SGPL1: variants seen among roughly 807,000 people sequenced by gnomAD.
The protein encoded by SGPL1 is SP-lyase 1.
Under a neutral mutation model 68.9 loss-of-function variants are expected in SGPL1, and 37 were observed. That is an observed-to-expected ratio of 0.54 (90% CI 0.41 to 0.71). The LOEUF (loss-of-function observed/expected upper bound fraction) is 0.71, where lower values mean the gene tolerates loss of function less well. SGPL1 is among the 30% of genes least tolerant of loss of function. The pLI, the probability that SGPL1 is intolerant of heterozygous loss-of-function variation, is 0.00. For synonymous variants in SGPL1, 236 were observed against 248.5 expected (o/e 0.95, Z 0.47); for missense variants, 551 against 704.6 (o/e 0.78, Z 2.47).
chr10:70,860,301 A>G (rs1846029857), intron 7 of SGPL1: 1 of 448,678 alleles, frequency 2.2e-6, no homozygotes, highest in Non-Finnish European at 4.5e-6. Context: ...TCAGATACTC[A>G]TCATATTTGC....
In SGPL1 at chr10:70,819,661, C is replaced by T. The variant is rs572017523; in HGVS notation, c.27+2781C>T. On this transcript the variant is annotated intron_variant, in intron 2 of 14. Transcript: ENST00000373202. ...TTTTTTTTTTTTTGAGACAAGGTCT[C>T]ACTCTGATGCCCAGGCTGGAGTGCA... 1.4e-4 allele frequency among the ~76,000 whole-genome samples: 19 copies of T among 139,912 alleles called. No homozygotes were observed. In the South Asian group the frequency reaches 3.2e-3, roughly 24 times the overall value. 91.8% of individuals were successfully genotyped at this position (139,912 alleles called of 152,430 possible). A position where few individuals can be genotyped will look rare whatever the true frequency, so the allele number is the denominator to read the frequency against.
intron 7 of SGPL1, among the ~76,000 whole-genome samples, chr10:70,862,030 G>C (rs960714090): frequency 6.6e-6 from 1 of 150,458 alleles, no homozygotes; most frequent in Non-Finnish European, 1.5e-5. Flanking sequence ...GAGTGCAGGC[G>C]CACAGCGCAG....
At chr10:70,830,401 A>G (rs1375095847) in intron 2 of SGPL1, among the ~76,000 whole-genome samples, 1 of 152,178 alleles carries the variant, frequency 6.6e-6, no homozygotes. Context: ...TATAAATACA[A>G]TCATACAGTA....
At chr10:70,833,613 A>G (rs569020362) in intron 2 of SGPL1, among the ~76,000 whole-genome samples, 3 of 152,324 alleles carry the variant, frequency 2.0e-5, no homozygotes, top group South Asian at 4.1e-4. Flanking sequence ...AGACTGTAAT[A>G]TGAAAGAAAA....
intron 2 of SGPL1, among the ~76,000 whole-genome samples, chr10:70,828,390 T>C (rs887814504): frequency 6.6e-6 from 1 of 152,210 alleles, no homozygotes; most frequent in South Asian, 2.1e-4. Flanking sequence ...GGTGCGATCA[T>C]GGCTTCCTGC....
intron 6 of SGPL1, among the ~76,000 whole-genome samples, chr10:70,858,119 A>G (rs1318923467): frequency 6.6e-6 from 1 of 152,120 alleles, no homozygotes; most frequent in Admixed American, 6.5e-5. Context: ...TCCATTTCTA[A>G]TCAAATTTAT....
rs545454092 is a variant in SGPL1 at position 70,829,801 on chromosome 10, A to C, written c.27+12921A>C. 4.6e-5 allele frequency among the ~76,000 whole-genome samples: 7 copies of C among 152,302 alleles called. No homozygotes were observed. In the East Asian group the frequency reaches 1.3e-3, roughly 29 times the overall value. On this transcript the variant is annotated intron_variant, in intron 2 of 14. Transcript: ENST00000373202. ...TAACATGACTCTCAGAGTCCGCAAG[A>C]GTAGTGGTGAGGTGTCAGTTCAGGG...
chr10:70,816,161 A>C (rs1411852325), intron 1 of SGPL1, 35 bp downstream of exon 1: 2 of 133,992 alleles, frequency 1.5e-5, no homozygotes, highest in African/African-American at 5.6e-5. Flanking sequence ...GGGGGCGGTG[A>C]GGGTCGGGAC....
At chr10:70,876,906 G>T (rs1846399665) in intron 14 of SGPL1, among the ~76,000 whole-genome samples, 1 of 152,206 alleles carries the variant, frequency 6.6e-6, no homozygotes, top group Non-Finnish European at 1.5e-5. Flanking sequence ...GCTGGTGGTA[G>T]TGTCCATTTG....
chr10:70,824,699 T>C (rs951099158), intron 2 of SGPL1, among the ~76,000 whole-genome samples: 7 of 152,210 alleles, frequency 4.6e-5, no homozygotes, highest in African/African-American at 1.4e-4. Context: ...GTTTAACTTA[T>C]GTGACAGGCA....
intron 3 of SGPL1, among the ~76,000 whole-genome samples, chr10:70,845,506 C>T (rs1845777644): frequency 6.6e-6 from 1 of 152,014 alleles, no homozygotes; most frequent in Non-Finnish European, 1.5e-5. Context: ...TGACTCAGTG[C>T]CAGATCAACA....
intron 7 of SGPL1, among the ~76,000 whole-genome samples, chr10:70,862,759 C>T (rs1276965664): frequency 6.6e-6 from 1 of 152,066 alleles, no homozygotes; most frequent in African/African-American, 2.4e-5. Flanking sequence ...ACCACGAACG[C>T]ACCAGAAGGA....
intron 2 of SGPL1, among the ~76,000 whole-genome samples, chr10:70,843,303 A>G (rs1179578626): frequency 6.6e-6 from 1 of 152,194 alleles, no homozygotes; most frequent in African/African-American, 2.4e-5. Flanking sequence ...CTTGCATATT[A>G]GATTGTAAAC....
chr10:70,851,396 TA>T (rs1845878380), intron 4 of SGPL1, among the ~76,000 whole-genome samples, 186 bp downstream of exon 4: 1 of 152,082 alleles, frequency 6.6e-6, no homozygotes, highest in Non-Finnish European at 1.5e-5. Flanking sequence ...TCTTGGCATG[TA>T]ATGGATCGTG....
At chr10:70,856,678 CTGTA>C (rs1480986474) in intron 5 of SGPL1, among the ~76,000 whole-genome samples, 1 of 152,190 alleles carries the variant, frequency 6.6e-6, no homozygotes, top group Non-Finnish European at 1.5e-5. Context: ...ATGAGTTTGT[CTGTA>C]TATTTACCAC....
intron 12 of SGPL1, among the ~76,000 whole-genome samples, chr10:70,874,473 C>G (rs556204490): frequency 4.6e-5 from 7 of 152,278 alleles, no homozygotes; most frequent in African/African-American, 1.7e-4. Flanking sequence ...CCCTGTAATC[C>G]CAGCACTTTG....
At chr10:70,831,231 C>T (rs951490310) in intron 2 of SGPL1, among the ~76,000 whole-genome samples, 7 of 152,166 alleles carry the variant, frequency 4.6e-5, no homozygotes, top group African/African-American at 1.7e-4. Flanking sequence ...TCTCACACCA[C>T]AACAATCAAC....
intron 6 of SGPL1, 41 bp downstream of exon 6, chr10:70,857,731 C>G (rs1175765769): frequency 1.5e-5 from 20 of 1,366,836 alleles, no homozygotes; most frequent in Middle Eastern, 1.9e-4. Context: ...GAGGTCTGTG[C>G]CAGTTTACAT....
intron 8 of SGPL1, chr10:70,869,042 G>A (rs1489754538): frequency 3.9e-5 from 6 of 152,762 alleles, no homozygotes; most frequent in African/African-American, 1.4e-4. Flanking sequence ...TGACAATGGG[G>A]ATTTATTGCA....
Sources: gnomAD v4.1 joint callset for allele counts (sites outside exome capture counted in the v4.1 genomes callset) on GRCh38, gnomAD v4.1.1 for gene constraint, MANE v1.5 for transcripts, NCBI Gene and HGNC (gene_info 2026-07-23, HGNC 2026-07-21) for gene names.